Variants in CACNA2D3 observed in about 807,000 individuals in gnomAD.
CACNA2D3 encodes voltage-dependent calcium channel subunit alpha-2/delta-3.
CACNA2D3 carries 60 observed loss-of-function variants against 160.6 expected under a neutral mutation model. The ratio of observed to expected loss-of-function variants is 0.37; its 90% CI spans 0.30 to 0.46. The LOEUF (loss-of-function observed/expected upper bound fraction) is 0.46, where lower values mean the gene tolerates loss of function less well. Ranked by LOEUF, CACNA2D3 falls within the 20% of genes least tolerant of loss-of-function variation. The pLI, the probability that CACNA2D3 is intolerant of heterozygous loss-of-function variation, is 1.00. For synonymous variants in CACNA2D3, 558 were observed against 492.9 expected (o/e 1.13, Z -1.75); for missense variants, 1,205 against 1,365.0 (o/e 0.88, Z 1.85).
At chr3:54,640,325 A>G (rs1699487720) in intron 10 of CACNA2D3, among the ~76,000 whole-genome samples, 1 of 152,234 alleles carries the variant, frequency 6.6e-6, no homozygotes, top group African/African-American at 2.4e-5. Context: ...AGATTTTAAT[A>G]GAGAAGGTTT....
chr3:54,924,538 T>C (rs1363729316), intron 27 of CACNA2D3: 2 of 1,193,184 alleles, frequency 1.7e-6, no homozygotes, highest in Non-Finnish European at 2.4e-6. Flanking sequence ...TCCTCCACAT[T>C]CTTTCTAATG....
At chr3:55,052,442 A>G (rs1465756048) in intron 35 of CACNA2D3, among the ~76,000 whole-genome samples, 1 of 134,494 alleles carries the variant, frequency 7.4e-6, no homozygotes, top group Non-Finnish European at 1.6e-5. Flanking sequence ...ATATATATGT[A>G]TATACCTGTG....
At chr3:54,549,290 C>CA (rs1490801745) in intron 5 of CACNA2D3, among the ~76,000 whole-genome samples, 3 of 152,046 alleles carry the variant, frequency 2.0e-5, no homozygotes, top group Admixed American at 1.3e-4. Context: ...ACTAAAAATA[C>CA]AAAAAATTAG....
chr3:54,440,519 G>A lies in CACNA2D3; in HGVS notation c.381+53745G>A, dbSNP rs535473990. 7.2e-5 allele frequency among the ~76,000 whole-genome samples: 11 copies of A among 151,988 alleles called. No individual in the cohort carries two copies. In the South Asian group the frequency reaches 2.1e-3, roughly 29 times the overall value. On this transcript the variant is annotated intron_variant, in intron 4 of 37. Coordinates refer to ENST00000474759, the MANE Select transcript of CACNA2D3 (RefSeq NM_018398.3). ...TTTTTATTATACTTTAAGTTTTAGG[G>A]TACATGTACACAACATGCAGCTTAG...
chr3:54,838,819 T>C (rs1196369099), intron 16 of CACNA2D3, among the ~76,000 whole-genome samples, 171 bp downstream of exon 16: 1 of 152,224 alleles, frequency 6.6e-6, no homozygotes, highest in African/African-American at 2.4e-5. Context: ...GGTTTTTTTT[T>C]TATTATTTAC....
At chr3:54,762,140 G>A (rs975132803) in intron 12 of CACNA2D3, among the ~76,000 whole-genome samples, 5 of 152,040 alleles carry the variant, frequency 3.3e-5, no homozygotes, top group South Asian at 2.1e-4. Context: ...GACTACCTGC[G>A]TATAGGATAA....
chr3:54,327,265 G>T (rs531243990), intron 3 of CACNA2D3, among the ~76,000 whole-genome samples: 2 of 152,318 alleles, frequency 1.3e-5, no homozygotes, highest in East Asian at 3.9e-4. Flanking sequence ...CACCCCCTTG[G>T]GGGTACATGC....
At chr3:54,570,302 C>T (rs1011620617) in intron 8 of CACNA2D3, among the ~76,000 whole-genome samples, 198 bp downstream of exon 8, 2 of 152,144 alleles carry the variant, frequency 1.3e-5, no homozygotes, top group Non-Finnish European at 2.9e-5. Flanking sequence ...GTTGAACACA[C>T]GTTGCCTGTC....
Position 54,748,003 on chromosome 3 carries a change from G to C in CACNA2D3, c.1168-4596G>C, listed in dbSNP as rs1701786857. 2.0e-5 allele frequency among the ~76,000 whole-genome samples: 3 copies of C among 152,152 alleles called. No individual in the cohort carries two copies. In the South Asian group the frequency reaches 6.2e-4, roughly 32 times the overall value. ...CCTCCCAAGAAAATGTGAAGTCCCT[G>C]AGGGCAGAATTTGTTTTGTTTACCC... On this transcript the variant is annotated intron_variant, in intron 11 of 37. Coordinates refer to ENST00000474759, the MANE Select transcript of CACNA2D3 (RefSeq NM_018398.3).
intron 2 of CACNA2D3, among the ~76,000 whole-genome samples, chr3:54,200,071 A>G (rs1042701452): frequency 1.3e-5 from 2 of 152,230 alleles, no homozygotes; most frequent in Non-Finnish European, 2.9e-5. Context: ...GGCCCTTTAT[A>G]GGAAAAGGTT....
At chr3:54,669,163 A>T (rs1464068391) in intron 11 of CACNA2D3, among the ~76,000 whole-genome samples, 1 of 152,222 alleles carries the variant, frequency 6.6e-6, no homozygotes, top group African/African-American at 2.4e-5. Context: ...ACGGTTCCAC[A>T]TTCAGAAGGG....
intron 3 of CACNA2D3, among the ~76,000 whole-genome samples, chr3:54,330,610 T>C (rs1178809419): frequency 6.6e-6 from 1 of 152,230 alleles, no homozygotes; most frequent in Admixed American, 6.5e-5. Flanking sequence ...CAGACTCTTA[T>C]GACTTTTAAC....
intron 17 of CACNA2D3, among the ~76,000 whole-genome samples, chr3:54,849,826 A>G (rs1262325696): frequency 6.6e-6 from 1 of 152,212 alleles, no homozygotes; most frequent in East Asian, 1.9e-4. Flanking sequence ...TCCATCTGCC[A>G]TGGACTTTGT....
intron 18 of CACNA2D3, among the ~76,000 whole-genome samples, 200 bp downstream of exon 18, chr3:54,871,822 G>A (rs1699543015): frequency 1.3e-5 from 2 of 152,170 alleles, no homozygotes; most frequent in African/African-American, 4.8e-5. Context: ...GTTGCAGACA[G>A]GCCAGCCACC....
intron 4 of CACNA2D3, among the ~76,000 whole-genome samples, chr3:54,422,345 C>T (rs1425632624): frequency 6.6e-6 from 1 of 152,120 alleles, no homozygotes; most frequent in Non-Finnish European, 1.5e-5. Context: ...AGTTTGTATC[C>T]GTCTCTGGTG....
chr3:54,739,940 G>A (rs1316347532), intron 11 of CACNA2D3, among the ~76,000 whole-genome samples: 2 of 151,962 alleles, frequency 1.3e-5, no homozygotes, highest in Non-Finnish European at 2.9e-5. Context: ...CTTCCGCAAG[G>A]GCAGAGACCA....
chr3:54,927,617 A>C (rs1475341191), intron 27 of CACNA2D3, among the ~76,000 whole-genome samples: 3 of 152,192 alleles, frequency 2.0e-5, no homozygotes, highest in African/African-American at 7.2e-5. Flanking sequence ...TTTTCCCCCC[A>C]AAGGAATAAT....
intron 9 of CACNA2D3, among the ~76,000 whole-genome samples, chr3:54,614,736 C>T (rs1014780470): frequency 6.6e-6 from 1 of 152,100 alleles, no homozygotes; most frequent in Non-Finnish European, 1.5e-5. Context: ...AGTCTGTAAC[C>T]TCTTGCTTAT....
intron 2 of CACNA2D3, among the ~76,000 whole-genome samples, chr3:54,287,576 C>T (rs1203008804): frequency 1.4e-5 from 2 of 144,644 alleles, no homozygotes; most frequent in Non-Finnish European, 3.0e-5. Flanking sequence ...CCAAGCAGAC[C>T]TAATAGACAT....
Sources: gnomAD v4.1 joint callset for allele counts (sites outside exome capture counted in the v4.1 genomes callset) on GRCh38, gnomAD v4.1.1 for gene constraint, MANE v1.5 for transcripts, NCBI Gene and HGNC (gene_info 2026-07-23, HGNC 2026-07-21) for gene names.